The following NR3C1 variants were observed in gnomAD, a reference collection of about 807,000 sequenced individuals.
NR3C1 encodes the protein nuclear receptor subfamily 3 group C member 1.
A neutral mutation model predicts 74.0 loss-of-function variants in NR3C1; 14 were observed. The observed-to-expected ratio is 0.19, with a 90% CI of 0.12 to 0.30. The LOEUF (loss-of-function observed/expected upper bound fraction) is 0.30, where lower values mean the gene tolerates loss of function less well. Ranked by LOEUF, NR3C1 falls within the 10% of genes least tolerant of loss-of-function variation. The pLI is 1.00. For synonymous variants in NR3C1, 308 were observed against 332.5 expected, an observed-to-expected ratio of 0.93 and a Z score of 0.80; for missense variants, 695 against 909.8, an observed-to-expected ratio of 0.76 and a Z score of 3.04.
chr5:143,364,295 T>C lies in NR3C1; in HGVS notation c.1184+35361A>G, dbSNP rs114918914. On this transcript the variant is annotated intron_variant, in intron 2 of 8. Transcript: ENST00000394464. ...CAAGAATTCTGTATCCTGCCAACAC[T>C]ATCCTTCAAAAATGAAGGATAAATT... 4.2e-3 allele frequency among the ~76,000 whole-genome samples: 639 copies of C among 152,304 alleles called. 2 individuals are homozygous for C. The highest frequency in any genetic ancestry group is 0.015 in the African/African-American group (613 of 41,572).
In NR3C1 at chr5:143,281,794, TAAAAC is replaced by T. The variant is rs1813152837; in HGVS notation, c.*90_*94del. The T allele has an allele frequency of 1.5e-6, 2 of 1,340,834 alleles. No individual in the cohort carries two copies. The highest frequency in any genetic ancestry group is 3.7e-5 in the Admixed American group (2 of 54,606). The allele number at this position is 1,340,834 out of a possible 1,614,324, so 83.1% of individuals were successfully genotyped here. A position where few individuals can be genotyped will look rare whatever the true frequency, so the allele number is the denominator to read the frequency against. On this transcript the variant is annotated 3_prime_UTR_variant, in exon 9 of 9. Transcript: ENST00000394464. ...AACAACAGATGAAAACAATAAAAAA[TAAAAC>T]AACAAAACCTCTACAGGACAAACTG...
chr5:143,290,025 G>GGTATA (rs1206627673), intron 7 of NR3C1, among the ~76,000 whole-genome samples: 4 of 152,006 alleles, frequency 2.6e-5, no homozygotes, highest in African/African-American at 9.7e-5. Flanking sequence ...TTGTAAGAAA[G>GGTATA]GTATAGTAAA....
chr5:143,308,536 C>G (rs1162325606), intron 4 of NR3C1, among the ~76,000 whole-genome samples: 1 of 152,126 alleles, frequency 6.6e-6, no homozygotes, highest in Admixed American at 6.5e-5. Context: ...ACTGCCATCT[C>G]TTATCTGGAG....
chr5:143,310,592 C>A (rs1297224678), intron 3 of NR3C1, among the ~76,000 whole-genome samples: 1 of 152,146 alleles, frequency 6.6e-6, no homozygotes, highest in South Asian at 2.1e-4. Flanking sequence ...CCAGCCAGTA[C>A]CCACCAAGGG....
chr5:143,313,849 C>T, intron 3 of NR3C1, 153 bp downstream of exon 3: 1 of 676,572 alleles, frequency 1.5e-6, no homozygotes, highest in Non-Finnish European at 2.6e-6. Context: ...AAATACTTTC[C>T]TGCCCATTAG....
At chr5:143,366,165 G>T (rs1010750705) in intron 2 of NR3C1, among the ~76,000 whole-genome samples, 2 of 152,094 alleles carry the variant, frequency 1.3e-5, no homozygotes, top group Non-Finnish European at 1.5e-5. Context: ...GACCAGTGTA[G>T]AAATAAGTGA....
At chr5:143,414,113 T>C (rs932782097) in intron 1 of NR3C1, among the ~76,000 whole-genome samples, 1 of 152,236 alleles carries the variant, frequency 6.6e-6, no homozygotes, top group Non-Finnish European at 1.5e-5. Flanking sequence ...TGTGGGTTTG[T>C]ACTTTGAAAT....
Position 143,282,439 on chromosome 5 carries a change from C to G in NR3C1, c.2181+129G>C, listed in dbSNP as rs897055628. Reference sequence around the variant, plus strand: ...AAAACTGAAGTTCATAAGTTGAACTCAAGCTATCACCAACATCCACAAACT... The same window carrying G: ...AAAACTGAAGTTCATAAGTTGAACTGAAGCTATCACCAACATCCACAAACT... On this transcript the variant is annotated intron_variant, in intron 8 of 8. Coordinates refer to ENST00000394464, the MANE Select transcript of NR3C1 (RefSeq NM_000176.3). 6.1e-6 allele frequency: 6 copies of G among 989,800 alleles called. No homozygotes were observed. In the African/African-American group the frequency reaches 1.1e-4, roughly 18 times the overall value. The allele number at this position is 989,800 out of a possible 1,614,324, so 61.3% of individuals were successfully genotyped here.
At chr5:143,349,941 T>C (rs966209992) in intron 2 of NR3C1, among the ~76,000 whole-genome samples, 1 of 151,932 alleles carries the variant, frequency 6.6e-6, no homozygotes, top group Admixed American at 6.6e-5. Context: ...CATGACAATG[T>C]GATATTCAGC....
chr5:143,399,982 G>A lies in NR3C1; in HGVS notation c.858C>T (p.Leu286=), dbSNP rs772953375. The A allele has an allele frequency of 2.6e-5, 42 of 1,614,064 alleles. No individual in the cohort carries two copies. Among genetic ancestry groups the A allele is most frequent in the Non-Finnish European group, 3.3e-5 (39 of 1,180,052 alleles). The part of the protein sequence containing the change: ...VKTEKEDFIE[L]CTPGVIKQEK... ...CTTGCTTAATTACCCCAGGGGTGCAGAGTTCGATGAAATCTTCTTTTTCTG... is the reference window on the plus strand; with the variant it reads ...CTTGCTTAATTACCCCAGGGGTGCAAAGTTCGATGAAATCTTCTTTTTCTG... Residue 286 remains leucine, a synonymous_variant, in exon 2 of 9, where the codon CTC becomes CTT. Coordinates refer to ENST00000394464, the MANE Select transcript of NR3C1 (RefSeq NM_000176.3).
chr5:143,304,684 A>G (rs970843028), intron 4 of NR3C1, among the ~76,000 whole-genome samples: 16 of 152,122 alleles, frequency 1.1e-4, no homozygotes, highest in Admixed American at 4.6e-4. Flanking sequence ...TAACCGAAAC[A>G]GCATGGTACT....
intron 2 of NR3C1, among the ~76,000 whole-genome samples, chr5:143,371,444 A>G (rs1834205733): frequency 6.6e-6 from 1 of 152,194 alleles, no homozygotes. Context: ...GCAGACTGTA[A>G]ACTCCTGGCT....
At chr5:143,350,200 T>A (rs1829989907) in intron 2 of NR3C1, among the ~76,000 whole-genome samples, 1 of 152,106 alleles carries the variant, frequency 6.6e-6, no homozygotes, top group Non-Finnish European at 1.5e-5. Context: ...GATCACATGT[T>A]TATGTTTGAA....
chr5:143,413,918 GA>G (rs11292842), intron 1 of NR3C1, among the ~76,000 whole-genome samples: 151,274 of 152,262 alleles, frequency 0.99, 75,157 homozygotes, highest in Middle Eastern at 1. Flanking sequence ...TGGGCATGCA[GA>G]AAAAAACCCA....
At chr5:143,405,374 G>A (rs964275959), upstream of NR3C1, 14 of 984,622 alleles carry the variant, frequency 1.4e-5, no homozygotes, top group Non-Finnish European at 1.4e-5. Flanking sequence ...CCCCTGCTCT[G>A]ACATCTTGAA....
intron 2 of NR3C1, among the ~76,000 whole-genome samples, chr5:143,348,756 T>G (rs1309365246): frequency 6.6e-6 from 1 of 152,176 alleles, no homozygotes; most frequent in East Asian, 1.9e-4. Context: ...CTGTTAGCCA[T>G]GAGTTCAATG....
At chr5:143,304,126 C>T (rs1348963442) in intron 4 of NR3C1, among the ~76,000 whole-genome samples, 2 of 151,900 alleles carry the variant, frequency 1.3e-5, no homozygotes, top group South Asian at 2.1e-4. Flanking sequence ...AATAATCAAA[C>T]GATCTCTTTT....
At chr5:143,347,755 A>T (rs1463592829) in intron 2 of NR3C1, among the ~76,000 whole-genome samples, 1 of 152,252 alleles carries the variant, frequency 6.6e-6, no homozygotes, top group Non-Finnish European at 1.5e-5. Flanking sequence ...TCAGGCAGGT[A>T]ACAGCTCTAC....
chr5:143,401,392 G>C (rs895744361), intron 1 of NR3C1: 2 of 167,432 alleles, frequency 1.2e-5, no homozygotes, highest in African/African-American at 4.8e-5. Flanking sequence ...CCAAACCTTT[G>C]AGTACAACCA....
Sources: allele counts gnomAD v4.1 joint callset (sites outside exome capture counted in the v4.1 genomes callset), GRCh38; gene constraint gnomAD v4.1.1; transcripts MANE v1.5; gene names NCBI Gene and HGNC (gene_info 2026-07-23, HGNC 2026-07-21).